MCF2L: variants seen among roughly 807,000 people sequenced by gnomAD.
MCF2L encodes MCF.2 cell line derived transforming sequence like, also known as guanine nucleotide exchange factor DBS.
A neutral mutation model predicts 153.4 loss-of-function variants in MCF2L; 97 were observed. The ratio of observed to expected loss-of-function variants is 0.63; its 90% CI spans 0.54 to 0.75. MCF2L has a LOEUF of 0.75. Among genes scored for constraint, MCF2L ranks in the 30% least tolerant of loss-of-function variants. MCF2L has a pLI of 0.00. For synonymous variants in MCF2L, 659 were observed against 632.2 expected (o/e 1.04, Z -0.64); for missense variants, 1,347 against 1,495.2 (o/e 0.90, Z 1.64).
chr13:113,025,580 G>T (rs1355640066), intron 3 of MCF2L, among the ~76,000 whole-genome samples: 2 of 80,270 alleles, frequency 2.5e-5, no homozygotes, highest in Non-Finnish European at 2.5e-5. Flanking sequence ...GTTTCATCAT[G>T]GTGGGGTCCC....
chr13:112,994,106 G>C (rs533244835), intron 1 of MCF2L, among the ~76,000 whole-genome samples: 2 of 152,232 alleles, frequency 1.3e-5, no homozygotes, highest in East Asian at 3.9e-4. Flanking sequence ...GACCCCCCAA[G>C]CTGACGTCAC....
rs1176985285 is a variant in MCF2L, at chr13:113,027,972, G to T, written c.278+3214G>T. Among the ~76,000 whole-genome samples, 1 of 152,112 alleles carries T rather than the reference G, an allele frequency of 6.6e-6. No homozygotes were observed. The highest frequency in any genetic ancestry group is 2.4e-5 in the African/African-American group (1 of 41,390). On this transcript the variant is annotated intron_variant, in intron 3 of 29. Coordinates refer to ENST00000535094, the MANE Select transcript of MCF2L (RefSeq NM_001112732.3). The surrounding 1 kb of genome is among the most constrained non-coding windows in gnomAD (Gnocchi z 4.8). ...CAGGAGGAAGGGCCTGTGTCCCAGGGGACGGCCGGCCTGACAGGTACATCC... is the reference window on the plus strand; with the variant it reads ...CAGGAGGAAGGGCCTGTGTCCCAGGTGACGGCCGGCCTGACAGGTACATCC...
At chr13:113,078,273 C>G (rs1171049270) in intron 13 of MCF2L, 90 bp from the exon 14 acceptor site, 3 of 1,066,596 alleles carry the variant, frequency 2.8e-6, no homozygotes, top group Non-Finnish European at 1.4e-6. Context: ...GAGTCCTACC[C>G]TCTCCTCGGG....
chr13:112,933,657 T>C (rs1048756501), intron 2 of MCF2L, among the ~76,000 whole-genome samples: 2 of 152,268 alleles, frequency 1.3e-5, no homozygotes, highest in African/African-American at 4.8e-5. Context: ...AGATGGAATA[T>C]GTTGATGTTA....
At chr13:112,922,285 G>A (rs1000207162) in intron 2 of MCF2L, among the ~76,000 whole-genome samples, 2 of 152,158 alleles carry the variant, frequency 1.3e-5, no homozygotes, top group South Asian at 2.1e-4. Flanking sequence ...GCTCTTCCCC[G>A]AAAGAGCAAG....
intron 11 of MCF2L, 74 bp downstream of exon 11, chr13:113,075,263 G>A: frequency 2.2e-6 from 3 of 1,391,350 alleles, no homozygotes; most frequent in Non-Finnish European, 2.9e-6. Flanking sequence ...TCCACCACCG[G>A]CTGACCCTTG....
chr13:112,917,275 C>A, intron 2 of MCF2L: 1 of 437,442 alleles, frequency 2.3e-6, no homozygotes, highest in Non-Finnish European at 4.7e-6. Context: ...TCATCCACTG[C>A]AGCTCCATCC....
At chr13:112,994,696 G>C (rs1309170981) in intron 1 of MCF2L, among the ~76,000 whole-genome samples, 1 of 152,212 alleles carries the variant, frequency 6.6e-6, no homozygotes, top group African/African-American at 2.4e-5. Flanking sequence ...ATCCAGCCCC[G>C]AGGGTGGGGC....
chr13:112,968,142 T>TCGG (rs1555355444), upstream of MCF2L, among the ~76,000 whole-genome samples: 1 of 59,450 alleles, frequency 1.7e-5, no homozygotes, highest in Non-Finnish European at 3.7e-5. Context: ...GGGAGTGAGG[T>TCGG]GGGGGGGGGG....
At chr13:112,950,565 C>T (rs983474723) in intron 2 of MCF2L, among the ~76,000 whole-genome samples, 2 of 152,156 alleles carry the variant, frequency 1.3e-5, no homozygotes, top group African/African-American at 4.8e-5. Flanking sequence ...AACTCAGAAA[C>T]AGACCCACAC....
intron 2 of MCF2L, among the ~76,000 whole-genome samples, chr13:112,954,463 G>A (rs745377848): frequency 3.9e-5 from 6 of 152,196 alleles, no homozygotes; most frequent in East Asian, 3.8e-4. Flanking sequence ...GAGGACCTGC[G>A]GTCATTTTCA....
chr13:112,931,504 G>A (rs1349627293), intron 2 of MCF2L, among the ~76,000 whole-genome samples: 2 of 152,178 alleles, frequency 1.3e-5, no homozygotes, highest in Admixed American at 1.3e-4. Context: ...AGTGTGAACT[G>A]ACGCTTAGCT....
chr13:113,079,516 A>C (rs1243578270), intron 15 of MCF2L, among the ~76,000 whole-genome samples: 1 of 152,044 alleles, frequency 6.6e-6, no homozygotes, highest in Non-Finnish European at 1.5e-5. Context: ...CACCATCAAA[A>C]CTCCAAAATC....
intron 15 of MCF2L, among the ~76,000 whole-genome samples, chr13:113,078,943 A>T (rs978879693): frequency 3.3e-5 from 5 of 152,230 alleles, no homozygotes; most frequent in Non-Finnish European, 5.9e-5. Context: ...TGAAGCACAC[A>T]CACGCCGCAC....
chr13:113,026,530 C>A (rs2085319496), intron 3 of MCF2L, among the ~76,000 whole-genome samples: 1 of 152,228 alleles, frequency 6.6e-6, no homozygotes, highest in Non-Finnish European at 1.5e-5. Context: ...AGCCTGAGCG[C>A]TGCTGTGCTC....
At chr13:113,055,607 C>T (rs1336192338) in intron 4 of MCF2L, among the ~76,000 whole-genome samples, 1 of 152,184 alleles carries the variant, frequency 6.6e-6, no homozygotes, top group Non-Finnish European at 1.5e-5. Context: ...GAGGGATTTT[C>T]AGTCCGCCCC....
chr13:112,911,124 C>T (rs1371442703), intron 2 of MCF2L, among the ~76,000 whole-genome samples: 4 of 152,202 alleles, frequency 2.6e-5, no homozygotes, highest in Admixed American at 6.5e-5. Context: ...CGCGGGTCTT[C>T]GGGAGCTCGT....
intron 1 of MCF2L, among the ~76,000 whole-genome samples, chr13:112,987,220 C>T (rs1346495458): frequency 2.0e-5 from 3 of 152,184 alleles, no homozygotes; most frequent in East Asian, 1.9e-4. Flanking sequence ...GATGGGGTCC[C>T]AGAAGGCATC....
rs114546897 is a variant in MCF2L at position 113,078,046 on chromosome 13, G to A, written c.1661-317G>A. 6.9e-3 allele frequency among the ~76,000 whole-genome samples: 1,048 copies of A among 151,822 alleles called. 16 individuals carry two copies. The highest frequency in any genetic ancestry group is 0.024 in the African/African-American group (986 of 41,260). ...AGGCCCCACCGTCCTCCCCCTTCCC[G>A]CACCACCACCTGTGGCCTCAAAGGC... On this transcript the variant is annotated intron_variant, in intron 13 of 29. Coordinates refer to ENST00000535094, the MANE Select transcript of MCF2L (RefSeq NM_001112732.3).
Sources: allele counts gnomAD v4.1 joint callset (sites outside exome capture counted in the v4.1 genomes callset), GRCh38; gene constraint gnomAD v4.1.1; non-coding constraint Gnocchi (gnomAD v3.1); transcripts MANE v1.5; gene names NCBI Gene and HGNC (gene_info 2026-07-23, HGNC 2026-07-21).